The following EDIL3 variants were observed in gnomAD, a reference collection of about 807,000 sequenced individuals.
EDIL3 encodes the protein EGF-like repeat and discoidin I-like domain-containing protein 3.
A neutral mutation model predicts 67.4 loss-of-function variants in EDIL3; 37 were observed. That is an observed-to-expected ratio of 0.55 (90% CI 0.42 to 0.72). The LOEUF is 0.72. Among genes scored for constraint, EDIL3 ranks in the 30% least tolerant of loss-of-function variants. EDIL3 has a pLI of 0.00. For synonymous variants in EDIL3, 195 were observed against 196.3 expected (o/e 0.99, Z 0.05); for missense variants, 527 against 586.3 (o/e 0.90, Z 1.04).
chr5:84,252,227 C>T (rs1712573157), intron 2 of EDIL3, among the ~76,000 whole-genome samples: 1 of 152,056 alleles, frequency 6.6e-6, no homozygotes, highest in African/African-American at 2.4e-5. Flanking sequence ...CGCGGTCGCT[C>T]ACGCCTGTAA....
chr5:84,076,486 C>A (rs1486773058), intron 6 of EDIL3, among the ~76,000 whole-genome samples: 1 of 152,032 alleles, frequency 6.6e-6, no homozygotes, highest in African/African-American at 2.4e-5. Context: ...ATTTTTCACC[C>A]ATGCATGGTT....
chr5:84,130,350 A>G (rs1011043593), intron 5 of EDIL3, among the ~76,000 whole-genome samples: 1 of 152,196 alleles, frequency 6.6e-6, no homozygotes, highest in African/African-American at 2.4e-5. Flanking sequence ...AATTTGTTGA[A>G]TGAATGAGTT....
At chr5:84,133,779 A>G (rs1299540278) in intron 5 of EDIL3, among the ~76,000 whole-genome samples, 2 of 151,994 alleles carry the variant, frequency 1.3e-5, no homozygotes, top group African/African-American at 4.8e-5. Context: ...AAAATAATAA[A>G]ACTTAACCAA....
chr5:84,036,830 G>T (rs1187527425), intron 9 of EDIL3, among the ~76,000 whole-genome samples: 1 of 152,072 alleles, frequency 6.6e-6, no homozygotes, highest in Admixed American at 6.6e-5. Context: ...TCAAGTAAAA[G>T]ATCAATGTTT....
At chr5:83,985,367 A>AT (rs1438347968) in intron 9 of EDIL3, among the ~76,000 whole-genome samples, 9 of 152,030 alleles carry the variant, frequency 5.9e-5, no homozygotes, top group East Asian at 3.9e-4. Flanking sequence ...GTTTGGACAA[A>AT]TTTTTTTAAA....
chr5:84,094,556 G>T (rs1260553294), intron 6 of EDIL3, among the ~76,000 whole-genome samples: 3 of 152,012 alleles, frequency 2.0e-5, no homozygotes. Flanking sequence ...TTTTGAAAAT[G>T]ATTTTTGTAT....
intron 8 of EDIL3, among the ~76,000 whole-genome samples, chr5:84,063,058 T>C (rs1746572629): frequency 6.6e-6 from 1 of 152,090 alleles, no homozygotes; most frequent in Admixed American, 6.6e-5. Context: ...TGCTTCTTTT[T>C]GAGAAAATAA....
chr5:84,209,458 AGAAT>A (rs1744068883), intron 3 of EDIL3, among the ~76,000 whole-genome samples: 1 of 152,172 alleles, frequency 6.6e-6, no homozygotes, highest in Admixed American at 6.5e-5. Context: ...AAAAAAAGAA[AGAAT>A]GAATAAATGT....
chr5:84,112,476 T>A (rs1402052229), intron 5 of EDIL3, among the ~76,000 whole-genome samples: 1 of 152,146 alleles, frequency 6.6e-6, no homozygotes, highest in East Asian at 1.9e-4. Flanking sequence ...GTTTCACAAA[T>A]AACATCACTG....
intron 9 of EDIL3, among the ~76,000 whole-genome samples, chr5:84,046,110 T>A (rs1746219781): frequency 1.3e-5 from 2 of 152,246 alleles, no homozygotes; most frequent in South Asian, 4.1e-4. Flanking sequence ...ATTTCCTATT[T>A]GTTTTATTTT....
At chr5:84,048,230 G>T (rs1746259953) in intron 9 of EDIL3, 2 of 439,884 alleles carry the variant, frequency 4.5e-6, no homozygotes, top group South Asian at 3.3e-5. Flanking sequence ...GTTTCCAGTG[G>T]CCTGGTGGTC....
intron 3 of EDIL3, among the ~76,000 whole-genome samples, chr5:84,208,894 T>A (rs1266476299): frequency 2.0e-5 from 3 of 151,988 alleles, no homozygotes; most frequent in African/African-American, 4.8e-5. Flanking sequence ...CAAAGGACTA[T>A]AAATCATGCT....
chr5:84,343,315 C>CT (rs376729459), intron 1 of EDIL3, among the ~76,000 whole-genome samples: 25 of 151,216 alleles, frequency 1.7e-4, no homozygotes, highest in Non-Finnish European at 2.5e-4. Flanking sequence ...ACATTTACAA[C>CT]TTTTTTTTTC....
chr5:84,112,530 G>T (rs977157115), intron 5 of EDIL3, among the ~76,000 whole-genome samples: 1 of 152,160 alleles, frequency 6.6e-6, no homozygotes, highest in Non-Finnish European at 1.5e-5. Flanking sequence ...CATTCTTGCT[G>T]TTGGATTGAA....
chr5:84,219,155 C>CAG (rs377610719), intron 3 of EDIL3, among the ~76,000 whole-genome samples: 5 of 151,698 alleles, frequency 3.3e-5, no homozygotes, highest in Admixed American at 6.6e-5. Context: ...CAGCTCAGAG[C>CAG]AGAGAGAGAG....
At chr5:84,133,464 C>CAAAAA (rs5869210) in intron 5 of EDIL3, among the ~76,000 whole-genome samples, 9 of 86,534 alleles carry the variant, frequency 1.0e-4, no homozygotes, top group African/African-American at 1.8e-4. Context: ...ACTAAAAATA[C>CAAAAA]AAAAAAAAAA....
chr5:84,149,913 A>C (rs1446907268), intron 4 of EDIL3, among the ~76,000 whole-genome samples: 1 of 152,144 alleles, frequency 6.6e-6, no homozygotes, highest in Non-Finnish European at 1.5e-5. Flanking sequence ...AATATACAAA[A>C]TAAAATATAC....
intron 6 of EDIL3, among the ~76,000 whole-genome samples, chr5:84,086,204 A>G (rs1747067361): frequency 6.6e-6 from 1 of 152,134 alleles, no homozygotes; most frequent in Non-Finnish European, 1.5e-5. Context: ...AGGCACCGCT[A>G]GGGTACAAAA....
intron 6 of EDIL3, among the ~76,000 whole-genome samples, chr5:84,075,387 G>T (rs1746832084): frequency 6.6e-6 from 1 of 152,016 alleles, no homozygotes; most frequent in Admixed American, 6.6e-5. Flanking sequence ...TTTATTACAA[G>T]AACATCACAG....
Sources: allele counts gnomAD v4.1 joint callset (sites outside exome capture counted in the v4.1 genomes callset), GRCh38; gene constraint gnomAD v4.1.1; transcripts MANE v1.5; gene names NCBI Gene and HGNC (gene_info 2026-07-23, HGNC 2026-07-21).